CEP152: variants seen among roughly 807,000 people sequenced by gnomAD.
CEP152 encodes the protein centrosomal protein 152, also known as centrosomal protein of 152 kDa.
In CEP152, 132 loss-of-function variants were observed where a neutral mutation model predicts 188.9. The observed-to-expected ratio is 0.70, with a 90% CI of 0.61 to 0.81. The LOEUF is 0.81. Ranked by LOEUF, CEP152 falls within the 30% of genes least tolerant of loss-of-function variation. CEP152 has a pLI of 0.00. For missense variants in CEP152, 1,914 were observed against 1,969.8 expected (o/e 0.97, Z 0.54); for synonymous variants, 649 against 666.6 (o/e 0.97, Z 0.41).
chr15:48,779,870 A>C (rs997625934), intron 12 of CEP152, among the ~76,000 whole-genome samples: 1 of 152,228 alleles, frequency 6.6e-6, no homozygotes, highest in African/African-American at 2.4e-5. Flanking sequence ...TTAATTTACT[A>C]ACCAAACTGG....
intron 26 of CEP152, chr15:48,741,130 C>T (rs1219786195): frequency 2.6e-3 from 2,406 of 929,524 alleles, no homozygotes; most frequent in African/African-American, 7.3e-3. Context: ...CCACTGCAAA[C>T]TTTTTTTTTT....
At chr15:48,781,155 T>C (rs574609324) in intron 12 of CEP152, 41 bp downstream of exon 12, 2 of 1,550,752 alleles carry the variant, frequency 1.3e-6, no homozygotes, top group East Asian at 2.3e-5. Context: ...GCATTACTAA[T>C]GTTGGTTCTT....
chr15:48,783,787 A>G (rs1256122211), intron 10 of CEP152, 186 bp downstream of exon 10: 2 of 202,062 alleles, frequency 9.9e-6, no homozygotes, highest in Non-Finnish European at 1.8e-5. Context: ...ATATATATAT[A>G]TATGTATATA....
At chr15:48,733,950 CAA>C (rs1892509292), downstream of CEP152, among the ~76,000 whole-genome samples, 1 of 151,706 alleles carries the variant, frequency 6.6e-6, no homozygotes, top group Admixed American at 6.6e-5. Context: ...CCAAAATCCA[CAA>C]AGACTGAGAG....
rs1895273824 is a variant in CEP152, at chr15:48,768,258, AC to A, written c.1978del (p.Val660TyrfsTer26). Reference sequence around the variant, plus strand: ...TTGTTTGTCATGGTCAAAATCTTGTACCATTTGTCTCATTTGATTACATAAG... The same window carrying A: ...TTGTTTGTCATGGTCAAAATCTTGTACATTTGTCTCATTTGATTACATAAG... ...QDLCNQMRQM[V>X]QDFDHDKQEA... On this transcript the variant is annotated frameshift_variant, in exon 15 of 27. Coordinates refer to ENST00000380950, the MANE Select transcript of CEP152 (RefSeq NM_001194998.2). LOFTEE classifies it high-confidence loss of function. The A allele has an allele frequency of 6.2e-7, 1 of 1,612,528 alleles. No individual in the cohort carries two copies. The highest frequency in any genetic ancestry group is 8.5e-7 in the Non-Finnish European group (1 of 1,178,680).
chr15:48,792,388 G>C (rs1212847355), intron 7 of CEP152, among the ~76,000 whole-genome samples: 1 of 152,116 alleles, frequency 6.6e-6, no homozygotes, highest in Non-Finnish European at 1.5e-5. Flanking sequence ...AATGTTATGA[G>C]CATTACAGAA....
rs749958846 is a variant in CEP152 at position 48,762,670 on chromosome 15, G to T, written c.2283C>A (p.Ile761=). 5 of 1,613,022 alleles carry T rather than the reference G, an allele frequency of 3.1e-6. No homozygotes were observed. Among genetic ancestry groups the T allele is most frequent in the Admixed American group, 1.7e-5 (1 of 59,984 alleles). ...TEKEQQTQEK[I]KEKLIQQLEK... ...CAAGCTGTTGAATGAGTTTTTCTTT[G>T]ATCTGTTTTCAGAAGAAAAATCATA... Residue 761 remains isoleucine, a splice_region_variant and synonymous_variant, in exon 18 of 27, where the codon ATC becomes ATA. Coordinates refer to ENST00000380950, the MANE Select transcript of CEP152 (RefSeq NM_001194998.2).
intron 2 of CEP152, among the ~76,000 whole-genome samples, chr15:48,804,491 C>T (rs780035355): frequency 2.3e-4 from 35 of 152,178 alleles, no homozygotes; most frequent in Non-Finnish European, 4.3e-4. Flanking sequence ...AAAATAGCGT[C>T]AGGACAAAAG....
intron 12 of CEP152, among the ~76,000 whole-genome samples, chr15:48,775,794 TG>T (rs1268312526): frequency 3.3e-5 from 5 of 151,968 alleles, no homozygotes; most frequent in African/African-American, 1.2e-4. Context: ...TTTGGGGGGA[TG>T]TTGAAATGCT....
intron 8 of CEP152, among the ~76,000 whole-genome samples, chr15:48,789,570 T>C (rs967711331): frequency 1.3e-5 from 2 of 152,248 alleles, no homozygotes; most frequent in African/African-American, 2.4e-5. Context: ...TAAGATTGTA[T>C]GTGGAATTAA....
At chr15:48,731,677 T>C (rs1264104048) in intron 2 of CEP152, among the ~76,000 whole-genome samples, 4 of 152,102 alleles carry the variant, frequency 2.6e-5, no homozygotes, top group Non-Finnish European at 4.4e-5. Context: ...AAAACCAGAA[T>C]TGACAAATGG....
At chr15:48,736,049 C>G (rs954220928), downstream of CEP152, among the ~76,000 whole-genome samples, 1 of 152,044 alleles carries the variant, frequency 6.6e-6, no homozygotes, top group Non-Finnish European at 1.5e-5. Context: ...GATAAAATAG[C>G]CAAATTCCTC....
chr15:48,793,741 A>T (rs1047500766), intron 6 of CEP152, among the ~76,000 whole-genome samples: 2 of 152,232 alleles, frequency 1.3e-5, no homozygotes, highest in Admixed American at 6.5e-5. Context: ...TATAGTTCTT[A>T]CAGTGGGTCA....
chr15:48,796,525 A>T (rs1312388304), intron 5 of CEP152, among the ~76,000 whole-genome samples: 3 of 152,180 alleles, frequency 2.0e-5, no homozygotes, highest in African/African-American at 4.8e-5. Flanking sequence ...ACATCTTGGG[A>T]ATATAAAAAT....
rs748986956 is a variant in CEP152, at chr15:48,745,032, T to A, written c.3635-40A>T. On this transcript the variant is annotated intron_variant, in intron 22 of 26. Coordinates refer to ENST00000380950, the MANE Select transcript of CEP152 (RefSeq NM_001194998.2). The stretch of plus-strand genomic sequence containing the variant: ...TTATAGTATATTAGACAGTTAAAAA[T>A]TTTTTAAGCCTTCTTTTCCCTTAAG... 51 of 1,436,230 alleles carry A rather than the reference T, an allele frequency of 3.6e-5. 1 individual carries two copies. Among genetic ancestry groups the A allele is most frequent in the Admixed American group, 1.1e-4 (5 of 46,168 alleles). The allele number at this position is 1,436,230 out of a possible 1,614,324, so 89.0% of individuals were successfully genotyped here. A position where few individuals can be genotyped will look rare whatever the true frequency, so the allele number is the denominator to read the frequency against.
chr15:48,789,064 G>T, intron 8 of CEP152, 63 bp from the exon 9 acceptor site: 1 of 1,403,032 alleles, frequency 7.1e-7, no homozygotes, highest in Non-Finnish European at 1.0e-6. Flanking sequence ...GCTCTGTGCT[G>T]TCTATAAACT....
At chr15:48,797,248 C>CGCAAAT in intron 5 of CEP152, 53 bp downstream of exon 5, 1 of 1,591,660 alleles carries the variant, frequency 6.3e-7, no homozygotes, top group Non-Finnish European at 8.6e-7. Flanking sequence ...ACAAACATCA[C>CGCAAAT]GCAAATGCGT....
At chr15:48,790,290 G>C (rs1170432523) in intron 8 of CEP152, among the ~76,000 whole-genome samples, 1 of 152,160 alleles carries the variant, frequency 6.6e-6, no homozygotes, top group East Asian at 1.9e-4. Context: ...CTAGTGGGAA[G>C]AGACAATAAA....
intron 11 of CEP152, 123 bp from the exon 12 acceptor site, chr15:48,781,482 T>C: frequency 1.5e-6 from 1 of 687,832 alleles, no homozygotes; most frequent in East Asian, 2.7e-5. Context: ...AAATATATTA[T>C]TAGTACACAT....
Sources: allele counts gnomAD v4.1 joint callset (sites outside exome capture counted in the v4.1 genomes callset), GRCh38; gene constraint gnomAD v4.1.1; transcripts MANE v1.5; gene names NCBI Gene and HGNC (gene_info 2026-07-23, HGNC 2026-07-21).